Variants in SRP68 observed in about 807,000 individuals in gnomAD.
The protein encoded by SRP68 is signal recognition particle subunit SRP68.
In SRP68, 15 loss-of-function variants were observed where a neutral mutation model predicts 82.2. The observed-to-expected ratio is 0.18, with a 90% CI of 0.12 to 0.28. SRP68 has a LOEUF of 0.28. Among genes scored for constraint, SRP68 ranks in the 10% least tolerant of loss-of-function variants. The pLI is 1.00. For synonymous variants in SRP68, 261 were observed against 292.6 expected (o/e 0.89, Z 1.10); for missense variants, 595 against 780.5 (o/e 0.76, Z 2.83).
intron 8 of SRP68, among the ~76,000 whole-genome samples, chr17:76,051,819 T>C (rs1161645475): frequency 6.6e-6 from 1 of 152,198 alleles, no homozygotes; most frequent in African/African-American, 2.4e-5. Flanking sequence ...CACCATCCAA[T>C]AGAACTCTCT....
chr17:76,062,751 AT>A (rs1675413090), intron 4 of SRP68, among the ~76,000 whole-genome samples: 1 of 83,694 alleles, frequency 1.2e-5, no homozygotes, highest in Non-Finnish European at 2.0e-5. Context: ...ATATATATAT[AT>A]ATATATATAT....
At chr17:76,041,089 T>G (rs1224750061) in intron 13 of SRP68, 111 bp from the exon 14 acceptor site, 4 of 720,124 alleles carry the variant, frequency 5.6e-6, no homozygotes, top group Non-Finnish European at 9.2e-6. Context: ...CTTTAGACTT[T>G]CTAAACGGTT....
intron 8 of SRP68, among the ~76,000 whole-genome samples, chr17:76,053,928 CCTT>C: frequency 6.6e-6 from 1 of 152,348 alleles, no homozygotes; most frequent in South Asian, 2.1e-4. Context: ...TGTACACCGA[CCTT>C]CTCCGCCAGC....
chr17:76,062,386 T>C (rs1046152741), intron 4 of SRP68, among the ~76,000 whole-genome samples: 4 of 144,990 alleles, frequency 2.8e-5, no homozygotes, highest in African/African-American at 1.0e-4. Context: ...AGCCCAGGAG[T>C]TCATGACTGC....
chr17:76,040,619 A>T (rs2066582333), intron 14 of SRP68, 145 bp from the exon 15 acceptor site: 8 of 812,462 alleles, frequency 9.8e-6, no homozygotes, highest in Admixed American at 2.1e-5. Flanking sequence ...TCCTGCTGAG[A>T]AGTGGTGGAG....
intron 8 of SRP68, among the ~76,000 whole-genome samples, chr17:76,055,807 C>CT (rs1032113845): frequency 0.2 from 21,529 of 106,576 alleles, 2,692 homozygotes; most frequent in Admixed American, 0.27. Context: ...TTTTTTTCTT[C>CT]TTTTTTTTTT....
At chr17:76,049,931 G>A (rs1028413563) in intron 9 of SRP68, among the ~76,000 whole-genome samples, 2 of 152,196 alleles carry the variant, frequency 1.3e-5, no homozygotes, top group South Asian at 2.1e-4. Flanking sequence ...GAAGGGAACC[G>A]AGACCAAGCC....
At chr17:76,065,667 G>A (rs1003171944) in intron 3 of SRP68, among the ~76,000 whole-genome samples, 4 of 151,976 alleles carry the variant, frequency 2.6e-5, no homozygotes, top group African/African-American at 7.2e-5. Flanking sequence ...TGCTTCCCCC[G>A]ACACAGAATG....
At chr17:76,045,573 T>G (rs1475242679) in intron 11 of SRP68, among the ~76,000 whole-genome samples, 187 bp from the exon 12 acceptor site, 1 of 152,158 alleles carries the variant, frequency 6.6e-6, no homozygotes, top group Admixed American at 6.5e-5. Context: ...CCCTCTGATC[T>G]TGGAAACATA....
intron 8 of SRP68, among the ~76,000 whole-genome samples, chr17:76,055,822 T>A (rs2066710075): frequency 6.7e-6 from 1 of 148,152 alleles, no homozygotes; most frequent in Non-Finnish European, 1.5e-5. Flanking sequence ...TTTTTTTTTT[T>A]TTTTGGAGAC....
intron 8 of SRP68, chr17:76,053,393 T>A (rs955021056): frequency 1.1e-5 from 10 of 874,662 alleles, no homozygotes; most frequent in Non-Finnish European, 1.4e-5. Flanking sequence ...CTCAGACAAG[T>A]GGGGTTAAGT....
chr17:76,039,460 C>G lies in SRP68; in HGVS notation c.*246G>C, dbSNP rs2066572414. On this transcript the variant is annotated 3_prime_UTR_variant, in exon 16 of 16. Coordinates refer to ENST00000307877, the MANE Select transcript of SRP68 (RefSeq NM_014230.4). ...CACAGGGCACCAGACAGCAGCGGCCCCTTTCCCAGGAGGTACAGGAGACAG... is the reference window on the plus strand; with the variant it reads ...CACAGGGCACCAGACAGCAGCGGCCGCTTTCCCAGGAGGTACAGGAGACAG... The G allele has an allele frequency of 1.5e-6, 1 of 651,930 alleles. No homozygotes were observed. Among genetic ancestry groups the G allele is most frequent in the African/African-American group, 1.8e-5 (1 of 56,268 alleles). 40.4% of individuals were successfully genotyped at this position (651,930 alleles called of 1,614,324 possible).
chr17:76,062,742 T>TATATAAAATATATATATATATATATAAA (rs2066774494), intron 4 of SRP68, among the ~76,000 whole-genome samples: 1 of 28,210 alleles, frequency 3.5e-5, no homozygotes, highest in African/African-American at 2.0e-4. Flanking sequence ...TATATATATA[T>TATATAAAATATATATATATATATATAAA]ATATATATAT....
intron 6 of SRP68, 104 bp from the exon 7 acceptor site, chr17:76,060,494 T>G: frequency 1.4e-6 from 1 of 731,412 alleles, no homozygotes; most frequent in Non-Finnish European, 2.4e-6. Flanking sequence ...CACATGCTAC[T>G]TCAATGAATC....
rs1211267498 is a variant in SRP68, at chr17:76,043,648, G to A, written c.1524+181C>T. Reference sequence around the variant, plus strand: ...TCATACCTAAATCCTCCTCAGGCCTGGAGCACAGCCATGAGTGACACAGCC... The same window carrying A: ...TCATACCTAAATCCTCCTCAGGCCTAGAGCACAGCCATGAGTGACACAGCC... On this transcript the variant is annotated intron_variant, in intron 13 of 15. Transcript: ENST00000307877. 8.1e-6 allele frequency: 4 copies of A among 491,736 alleles called. No individual in the cohort carries two copies. In the Admixed American group the frequency reaches 1.3e-4, roughly 16 times the overall value. 30.5% of individuals were successfully genotyped at this position (491,736 alleles called of 1,614,324 possible). A position where few individuals can be genotyped will look rare whatever the true frequency, so the allele number is the denominator to read the frequency against.
chr17:76,052,746 G>A (rs968909608), intron 8 of SRP68, among the ~76,000 whole-genome samples: 1 of 150,698 alleles, frequency 6.6e-6, no homozygotes, highest in African/African-American at 2.4e-5. Context: ...GGAGGTTTCA[G>A]TGAGCCGAGA....
intron 2 of SRP68, among the ~76,000 whole-genome samples, chr17:76,068,403 C>A (rs1403230006): frequency 6.7e-6 from 1 of 150,254 alleles, no homozygotes; most frequent in Admixed American, 6.7e-5. Flanking sequence ...TTGCAGTGAG[C>A]CGAGAACACG....
chr17:76,064,748 G>A (rs1393060958), intron 3 of SRP68, among the ~76,000 whole-genome samples: 1 of 150,972 alleles, frequency 6.6e-6, no homozygotes, highest in African/African-American at 2.4e-5. Flanking sequence ...GGCTGAGGCA[G>A]GAGTATCTCT....
chr17:76,067,601 C>G (rs1047903236), intron 2 of SRP68, among the ~76,000 whole-genome samples: 1 of 152,014 alleles, frequency 6.6e-6, no homozygotes, highest in Non-Finnish European at 1.5e-5. Context: ...GTAGATGTGA[C>G]CAACAGAGGT....
Sources: gnomAD v4.1 joint callset for allele counts (sites outside exome capture counted in the v4.1 genomes callset) on GRCh38, gnomAD v4.1.1 for gene constraint, MANE v1.5 for transcripts, NCBI Gene and HGNC (gene_info 2026-07-23, HGNC 2026-07-21) for gene names.